GAS7: variants seen among roughly 807,000 people sequenced by gnomAD.
GAS7 encodes the protein growth arrest-specific protein 7.
Under a neutral mutation model 71.1 loss-of-function variants are expected in GAS7, and 28 were observed. The observed-to-expected ratio is 0.39, with a 90% confidence interval of 0.29 to 0.54. The LOEUF (loss-of-function observed/expected upper bound fraction) is 0.54, where lower values mean the gene tolerates loss of function less well. Among genes scored for constraint, GAS7 ranks in the 20% least tolerant of loss-of-function variants. GAS7 has a pLI of 0.62. For synonymous variants in GAS7, 258 were observed against 245.8 expected (o/e 1.05, Z -0.46); for missense variants, 436 against 627.8 (o/e 0.69, Z 3.27).
At chr17:10,141,904 C>T (rs1424693339) in intron 1 of GAS7, among the ~76,000 whole-genome samples, 1 of 152,090 alleles carries the variant, frequency 6.6e-6, no homozygotes, top group Non-Finnish European at 1.5e-5. Context: ...GTAGGCACTG[C>T]CTAAAAAGTT....
At chr17:10,137,594 C>CAATG (rs2074048915) in intron 1 of GAS7, among the ~76,000 whole-genome samples, 1 of 150,854 alleles carries the variant, frequency 6.6e-6, no homozygotes, top group African/African-American at 2.4e-5. Context: ...AGCTGGAGTA[C>CAATG]AATGGCAGGA....
chr17:9,917,954 C>T (rs2152064791), intron 13 of GAS7, 47 bp downstream of exon 13: 1 of 1,386,428 alleles, frequency 7.2e-7, no homozygotes. Context: ...AGGCGGCTCT[C>T]CCCAGGCCCC....
At chr17:10,081,432 G>C (rs1033994472) in intron 1 of GAS7, among the ~76,000 whole-genome samples, 3 of 152,224 alleles carry the variant, frequency 2.0e-5, no homozygotes, top group African/African-American at 4.8e-5. Flanking sequence ...GGGATTACAG[G>C]TGTGAGCCAC....
intron 1 of GAS7, among the ~76,000 whole-genome samples, chr17:10,140,219 T>C (rs1180651973): frequency 6.6e-6 from 1 of 152,130 alleles, no homozygotes; most frequent in East Asian, 1.9e-4. Context: ...CCCAGCACTT[T>C]AGGAGGTCAA....
intron 1 of GAS7, among the ~76,000 whole-genome samples, chr17:10,085,040 T>C (rs949129481): frequency 1.3e-5 from 2 of 152,228 alleles, no homozygotes; most frequent in Admixed American, 1.3e-4. Context: ...ATGCTGTTTT[T>C]GCTATAAGAC....
intron 2 of GAS7, among the ~76,000 whole-genome samples, chr17:9,999,149 A>G (rs570418263): frequency 7.9e-4 from 121 of 152,324 alleles, no homozygotes; most frequent in African/African-American, 2.8e-3. Flanking sequence ...CTCGGCCTTT[A>G]TTAACTTCAA....
chr17:9,917,262 G>A lies in GAS7; in HGVS notation c.1397C>T (p.Thr466Met), dbSNP rs1597435371. The A allele has an allele frequency of 3.1e-6, 5 of 1,612,956 alleles. No homozygotes were observed. The highest frequency in any genetic ancestry group is 4.2e-6 in the Non-Finnish European group (5 of 1,178,896). Residue 466 changes from threonine (T) to methionine (M), a missense_variant, in exon 14 of 14, where the codon ACG (threonine) becomes ATG (methionine). Transcript: ENST00000432992. ...CATGTCCACAGGGCGGATGTTGCCC[G>A]TCTTGTGCTCTCTGACCCACAGCTC... ...DRELWVREHK[T>M]GNIRPVDMEI
At position 10,198,524 on chromosome 17, in the gene GAS7, C is replaced by T. The variant is rs1275576676; in HGVS notation, c.-134G>A. 4.0e-6 allele frequency: 2 copies of T among 499,136 alleles called. No homozygotes were observed. The highest frequency in any genetic ancestry group is 6.4e-6 in the Non-Finnish European group (2 of 310,840). The allele number at this position is 499,136 out of a possible 1,614,324, so 30.9% of individuals were successfully genotyped here. A position where few individuals can be genotyped will look rare whatever the true frequency, so the allele number is the denominator to read the frequency against. The stretch of plus-strand genomic sequence containing the variant: ...CTGGGCGCGCGCCGTCTCTGGGGTG[C>T]GCGGGGGTCCTCAGGCAGGCGGGGG... On this transcript the variant is annotated 5_prime_UTR_variant, in exon 1 of 14. Coordinates refer to ENST00000432992, the MANE Select transcript of GAS7 (RefSeq NM_201433.2).
At chr17:9,923,693 G>C (rs2067899782) in intron 11 of GAS7, among the ~76,000 whole-genome samples, 1 of 152,252 alleles carries the variant, frequency 6.6e-6, no homozygotes, top group Non-Finnish European at 1.5e-5. Flanking sequence ...CATAGATGCT[G>C]TTGATAGGTG....
chr17:10,033,480 T>A (rs1342643424), intron 1 of GAS7, among the ~76,000 whole-genome samples: 3 of 152,220 alleles, frequency 2.0e-5, no homozygotes, highest in Non-Finnish European at 4.4e-5. Flanking sequence ...TCCTATTGCA[T>A]TCAAAATGGA....
intron 1 of GAS7, among the ~76,000 whole-genome samples, chr17:10,126,264 C>T (rs900234905): frequency 2.0e-5 from 3 of 152,260 alleles, no homozygotes; most frequent in Admixed American, 1.3e-4. Flanking sequence ...GGAAGAAACC[C>T]TTAATGAATG....
chr17:10,096,348 T>G (rs1480730715), intron 1 of GAS7, among the ~76,000 whole-genome samples: 2 of 152,210 alleles, frequency 1.3e-5, no homozygotes, highest in African/African-American at 4.8e-5. Flanking sequence ...TCCAAGTTTT[T>G]TCTGTGCCTC....
chr17:10,145,458 G>A (rs144097197), intron 1 of GAS7, among the ~76,000 whole-genome samples: 1 of 152,316 alleles, frequency 6.6e-6, no homozygotes, highest in Non-Finnish European at 1.5e-5. Context: ...TTAGCTCTAG[G>A]AAGGAGGCAG....
chr17:10,091,362 GTTTAC>G (rs2073579644), intron 1 of GAS7, among the ~76,000 whole-genome samples: 2 of 152,186 alleles, frequency 1.3e-5, no homozygotes, highest in Non-Finnish European at 2.9e-5. Context: ...CCACCGAACT[GTTTAC>G]TTTAGAGTGG....
intron 1 of GAS7, among the ~76,000 whole-genome samples, chr17:10,096,453 T>C (rs2073641752): frequency 6.6e-6 from 1 of 152,192 alleles, no homozygotes; most frequent in Non-Finnish European, 1.5e-5. Flanking sequence ...CACAAGTCCT[T>C]CAGGGAGCTT....
chr17:9,925,419 C>T, intron 11 of GAS7, 57 bp downstream of exon 11: 1 of 1,584,254 alleles, frequency 6.3e-7, no homozygotes, highest in Non-Finnish European at 8.6e-7. Context: ...ATCTCCTAGC[C>T]CCGTGCCCTC....
chr17:10,093,407 T>C (rs1298309095), intron 1 of GAS7, among the ~76,000 whole-genome samples: 1 of 151,998 alleles, frequency 6.6e-6, no homozygotes, highest in Admixed American at 6.6e-5. Flanking sequence ...CAGTCTCTAC[T>C]AAACATACAA....
chr17:10,150,321 G>A (rs754204422), intron 1 of GAS7, among the ~76,000 whole-genome samples: 2 of 151,684 alleles, frequency 1.3e-5, no homozygotes, highest in Non-Finnish European at 2.9e-5. Context: ...TCAACTTTCC[G>A]TTTTCCTTTC....
Position 9,995,196 on chromosome 17 carries a change from T to A in GAS7, c.305-13312A>T, listed in dbSNP as rs9913745. ...ATACCTATCCCTCCCACCAGATGTA[T>A]TCTGAGGGTTGTGACTGTATTGAAT... On this transcript the variant is annotated intron_variant, in intron 2 of 13. Coordinates refer to ENST00000432992, the MANE Select transcript of GAS7 (RefSeq NM_201433.2). Among the ~76,000 whole-genome samples, 1,415 of 152,288 alleles carry A rather than the reference T, an allele frequency of 9.3e-3. 22 individuals carry two copies. Among genetic ancestry groups the A allele is most frequent in the African/African-American group, 0.032 (1,346 of 41,552 alleles).
Sources: allele counts gnomAD v4.1 joint callset (sites outside exome capture counted in the v4.1 genomes callset), GRCh38; gene constraint gnomAD v4.1.1; transcripts MANE v1.5; gene names NCBI Gene and HGNC (gene_info 2026-07-23, HGNC 2026-07-21).